The following CNTN4 variants were observed in gnomAD, a reference collection of about 807,000 sequenced individuals.
The protein encoded by CNTN4 is contactin-4.
Under a neutral mutation model 122.5 loss-of-function variants are expected in CNTN4, and 77 were observed. The ratio of observed to expected loss-of-function variants is 0.63; its 90% CI spans 0.52 to 0.76. The LOEUF (loss-of-function observed/expected upper bound fraction) is 0.76. Ranked by LOEUF, CNTN4 falls within the 30% of genes least tolerant of loss-of-function variation. CNTN4 has a pLI of 0.00. For synonymous variants in CNTN4, 512 were observed against 447.0 expected, an observed-to-expected ratio of 1.15 and a Z score of -1.83; for missense variants, 1,256 against 1,259.1, an observed-to-expected ratio of 1.00 and a Z score of 0.04.
intron 4 of CNTN4, among the ~76,000 whole-genome samples, chr3:2,693,874 G>C (rs1452575152): frequency 1.3e-5 from 2 of 152,088 alleles, no homozygotes; most frequent in African/African-American, 4.8e-5. Flanking sequence ...CCGAGTTGCT[G>C]GGCCCCAACT....
intron 2 of CNTN4, among the ~76,000 whole-genome samples, chr3:2,235,020 A>C (rs2039627052): frequency 6.6e-6 from 1 of 152,038 alleles, no homozygotes; most frequent in Admixed American, 6.6e-5. Flanking sequence ...TTGAGTTCTT[A>C]TTTATCTTGG....
At chr3:2,602,848 A>G (rs1179033416) in intron 4 of CNTN4, among the ~76,000 whole-genome samples, 2 of 152,140 alleles carry the variant, frequency 1.3e-5, no homozygotes, top group African/African-American at 4.8e-5. Flanking sequence ...TGCCCACTGA[A>G]TGTGCTTTCT....
chr3:2,225,264 C>T (rs1399664353), intron 2 of CNTN4, among the ~76,000 whole-genome samples: 19 of 151,254 alleles, frequency 1.3e-4, no homozygotes, highest in Admixed American at 1.3e-3. Context: ...CCTGCAATCC[C>T]AGCATTTTGG....
chr3:2,548,679 G>T (rs1327960283), intron 3 of CNTN4, among the ~76,000 whole-genome samples: 1 of 152,070 alleles, frequency 6.6e-6, no homozygotes. Flanking sequence ...GGTTCCATAT[G>T]AAATTTGAAG....
At chr3:2,537,599 A>G (rs960581215) in intron 3 of CNTN4, among the ~76,000 whole-genome samples, 5 of 152,048 alleles carry the variant, frequency 3.3e-5, no homozygotes, top group African/African-American at 9.7e-5. Flanking sequence ...GCAGAGTAAG[A>G]CACTTCTAAG....
At chr3:2,331,748 CAG>C (rs1200330972) in intron 2 of CNTN4, among the ~76,000 whole-genome samples, 6 of 152,196 alleles carry the variant, frequency 3.9e-5, no homozygotes, top group Admixed American at 2.0e-4. Flanking sequence ...TCAGGCCACA[CAG>C]GGGCTCAAGA....
intron 4 of CNTN4, among the ~76,000 whole-genome samples, chr3:2,664,174 T>C (rs919872821): frequency 4.6e-5 from 7 of 152,202 alleles, no homozygotes; most frequent in Non-Finnish European, 8.8e-5. Context: ...GTGTATGAAC[T>C]ATATCTCAAA....
At chr3:2,291,065 C>G (rs983017257) in intron 2 of CNTN4, among the ~76,000 whole-genome samples, 2 of 152,236 alleles carry the variant, frequency 1.3e-5, no homozygotes, top group East Asian at 3.9e-4. Flanking sequence ...TGTAGCTGTA[C>G]TTTTGAATAA....
rs776028975 is a variant in CNTN4 at position 2,900,691 on chromosome 3, C to T, written c.947C>T (p.Pro316Leu). 6.2e-7 allele frequency: 1 copy of T among 1,613,524 alleles called. No homozygotes were observed. Among genetic ancestry groups the T allele is most frequent in the African/African-American group, 1.3e-5 (1 of 74,898 alleles). Residue 316 changes from proline (P) to leucine (L), a missense_variant, in exon 11 of 25, where the codon CCT becomes CTT. Transcript: ENST00000418658. The stretch of plus-strand genomic sequence containing the variant: ...GCTTTTTGGATGCCTATAGCTCAAC[C>T]TAATTGGATTCAAAAAATAAATGAT... ...ARGQLTFYAQ[P>L]NWIQKINDIH...
At chr3:2,623,001 C>A (rs147545240) in intron 4 of CNTN4, among the ~76,000 whole-genome samples, 131 of 152,284 alleles carry the variant, frequency 8.6e-4, no homozygotes, top group African/African-American at 3.0e-3. Context: ...TTTTCTGTAG[C>A]TATCAAGGAC....
chr3:2,757,752 T>C (rs762050115), intron 6 of CNTN4, among the ~76,000 whole-genome samples: 1 of 152,190 alleles, frequency 6.6e-6, no homozygotes, highest in South Asian at 2.1e-4. Flanking sequence ...TGCGTTAGGG[T>C]TCAGAGGTTA....
chr3:2,473,684 T>C (rs1159852208), intron 3 of CNTN4, among the ~76,000 whole-genome samples: 1 of 152,100 alleles, frequency 6.6e-6, no homozygotes, highest in African/African-American at 2.4e-5. Flanking sequence ...CTTGCATTCT[T>C]CTCATAAGCC....
intron 4 of CNTN4, among the ~76,000 whole-genome samples, chr3:2,706,380 G>A (rs1187047713): frequency 6.6e-6 from 1 of 152,110 alleles, no homozygotes; most frequent in Non-Finnish European, 1.5e-5. Flanking sequence ...GCATGAGGAT[G>A]TCTTGTTAAC....
At chr3:2,292,786 A>T in intron 2 of CNTN4, among the ~76,000 whole-genome samples, 1 of 152,370 alleles carries the variant, frequency 6.6e-6, no homozygotes, top group East Asian at 1.9e-4. Context: ...AGATGAATAT[A>T]TCACAATTTA....
At chr3:2,280,948 G>A (rs2041691998) in intron 2 of CNTN4, among the ~76,000 whole-genome samples, 1 of 152,160 alleles carries the variant, frequency 6.6e-6, no homozygotes, top group Non-Finnish European at 1.5e-5. Context: ...GTTCGGAGGA[G>A]GCCTCTCCTT....
chr3:2,990,073 A>G (rs1184612297), intron 14 of CNTN4, among the ~76,000 whole-genome samples: 1 of 152,216 alleles, frequency 6.6e-6, no homozygotes, highest in Non-Finnish European at 1.5e-5. Flanking sequence ...TAGCAGTGCC[A>G]GTCTCATGGA....
intron 2 of CNTN4, among the ~76,000 whole-genome samples, chr3:2,191,816 G>T (rs1357424196): frequency 2.0e-5 from 3 of 151,914 alleles, no homozygotes; most frequent in African/African-American, 7.3e-5. Flanking sequence ...TGCCATGTTG[G>T]TGTGCTGCAC....
chr3:2,490,229 A>G (rs901682944), intron 3 of CNTN4, among the ~76,000 whole-genome samples: 2 of 152,182 alleles, frequency 1.3e-5, no homozygotes, highest in African/African-American at 4.8e-5. Context: ...CGCTCATCTG[A>G]GCATGGCTTT....
chr3:2,650,508 A>G (rs2083314076), intron 4 of CNTN4, among the ~76,000 whole-genome samples: 1 of 152,194 alleles, frequency 6.6e-6, no homozygotes. Flanking sequence ...AAGAATTCCT[A>G]CTGCGGATAA....
Sources: gnomAD v4.1 joint callset for allele counts (sites outside exome capture counted in the v4.1 genomes callset) on GRCh38, gnomAD v4.1.1 for gene constraint, MANE v1.5 for transcripts, NCBI Gene and HGNC (gene_info 2026-07-23, HGNC 2026-07-21) for gene names.